The following ATP13A2 variants were observed in gnomAD, a reference collection of about 807,000 sequenced individuals.
ATP13A2 encodes polyamine-transporting ATPase 13A2.
A neutral mutation model predicts 138.3 loss-of-function variants in ATP13A2; 83 were observed. The ratio of observed to expected loss-of-function variants is 0.60; its 90% CI spans 0.50 to 0.72. ATP13A2 has a LOEUF of 0.72. Ranked by LOEUF, ATP13A2 falls within the 30% of genes least tolerant of loss-of-function variation. ATP13A2 has a pLI of 0.00. For missense variants in ATP13A2, 1,402 were observed against 1,606.4 expected (o/e 0.87, Z 2.17); for synonymous variants, 663 against 699.0 (o/e 0.95, Z 0.81).
intron 25 of ATP13A2, 114 bp downstream of exon 25, chr1:16,988,024 T>C: frequency 1.0e-6 from 1 of 952,506 alleles, no homozygotes; most frequent in Non-Finnish European, 1.6e-6. Flanking sequence ...AGTGGCAGGG[T>C]CAGGATCTGG....
Position 17,005,066 on chromosome 1 carries a change from A to G in ATP13A2, c.295T>C (p.Ser99Pro). The change falls in exon 4 of 29, where the codon TCC becomes CCC. Residue 99 changes from serine to proline, a missense_variant. By Grantham distance (74) the Ser-to-Pro change is moderately conservative (BLOSUM62 -1). Transcript: ENST00000326735. ...VIEIRDKEDS[S>P]WQLFTVQVQT... is the part of the protein sequence containing the mutation. ...ACCTGGACAGTGAAGAGCTGCCAGG[A>G]ACTATCCTGGAACACAGAGGTATGG... 6.2e-7 allele frequency: 1 copy of G among 1,614,112 alleles called. No individual in the cohort carries two copies. Among genetic ancestry groups the G allele is most frequent in the Non-Finnish European group, 8.5e-7 (1 of 1,180,020 alleles).
At chr1:17,007,842 C>G (rs982829314) in intron 1 of ATP13A2, among the ~76,000 whole-genome samples, 1 of 148,808 alleles carries the variant, frequency 6.7e-6, no homozygotes, top group African/African-American at 2.5e-5. Flanking sequence ...TGAGCCACAG[C>G]GCCCGGCGAG....
chr1:16,992,005 C>T lies in ATP13A2; in HGVS notation c.2126+4G>A. On this transcript the variant is annotated splice_donor_region_variant and intron_variant, in intron 19 of 28. Coordinates refer to ENST00000326735, the MANE Select transcript of ATP13A2 (RefSeq NM_022089.4). ...AGAGTGGGTGGGACAGGAGACAGGC[C>T]CACCTCGTCAGTTGCTGGGCTGCCT... 2 of 1,611,998 alleles carry T rather than the reference C, an allele frequency of 1.2e-6. No individual in the cohort carries two copies. Among genetic ancestry groups the T allele is most frequent in the Non-Finnish European group, 8.5e-7 (1 of 1,178,712 alleles).
chr1:17,000,714 C>T, intron 8 of ATP13A2, 180 bp from the exon 9 acceptor site: 2 of 759,972 alleles, frequency 2.6e-6, no homozygotes, highest in South Asian at 3.7e-5. Flanking sequence ...CCCTCAGTTT[C>T]TCCGCTCTAA....
rs552290573 is a variant in ATP13A2, at chr1:16,999,927, A to G, written c.1039+84T>C. 20 of 1,467,728 alleles carry G rather than the reference A, an allele frequency of 1.4e-5. No homozygotes were observed. The African/African-American group carries it at 2.9e-4, about 21-fold the overall frequency. The allele number at this position is 1,467,728 out of a possible 1,614,324, so 90.9% of individuals were successfully genotyped here. A position where few individuals can be genotyped will look rare whatever the true frequency, so the allele number is the denominator to read the frequency against. On this transcript the variant is annotated intron_variant, in intron 11 of 28. Transcript: ENST00000326735. ...CAAAAAAACAAAAAAGGAAAAGGAA[A>G]CTCAAATGAAAACTTTTGCCGCAGG...
chr1:16,997,210 C>A, intron 11 of ATP13A2, 35 bp from the exon 12 acceptor site: 1 of 1,612,476 alleles, frequency 6.2e-7, no homozygotes, highest in Non-Finnish European at 8.5e-7. Flanking sequence ...CCACTCCACA[C>A]CCCTCCCTCC....
chr1:17,006,253 T>C (rs2077556865), intron 1 of ATP13A2, among the ~76,000 whole-genome samples: 1 of 112,744 alleles, frequency 8.9e-6, no homozygotes, highest in Non-Finnish European at 1.7e-5. Flanking sequence ...ACTTACCGTA[T>C]CTTTTTTTTT....
chr1:16,989,957 G>C lies in ATP13A2; in HGVS notation c.2459C>G (p.Ser820Cys), dbSNP rs755157804. The C allele has an allele frequency of 2.5e-6, 4 of 1,606,716 alleles. No individual in the cohort carries two copies. Among genetic ancestry groups the C allele is most frequent in the Non-Finnish European group, 2.5e-6 (3 of 1,176,496 alleles). Residue 820 changes from serine to cysteine, a missense_variant, in exon 22 of 29, where the codon TCC becomes TGC. Physicochemically the swap from Ser to Cys is moderately radical, Grantham distance 112 (BLOSUM62 -1). Transcript: ENST00000326735. ...GGGCCCGCTGAGGGCCAGGTGCCTG[G>C]ATCGGGGGTCTGGCTCCACGGTGTA... The part of the protein sequence containing the change: ...ASYTVEPDPR[S>C]RHLALSGPTF...
rs192226472 is a variant in ATP13A2 at position 16,994,422 on chromosome 1, G to A, written c.1543-587C>T. ...TAATTTTTGTATTTTTAGTAGAGACGGGGTTTCACCATGTTGGTCAGGCTG... is the reference window on the plus strand; with the variant it reads ...TAATTTTTGTATTTTTAGTAGAGACAGGGTTTCACCATGTTGGTCAGGCTG... On this transcript the variant is annotated intron_variant, in intron 15 of 28. Transcript: ENST00000326735. Among the ~76,000 whole-genome samples the A allele has an allele frequency of 1.3e-4, 19 of 151,900 alleles. No individual in the cohort carries two copies. The Middle Eastern group carries it at 0.01, about 82-fold the overall frequency.
Position 17,005,010 on chromosome 1 carries a change from T to C in ATP13A2, c.347+4A>G. 2 of 1,613,820 alleles carry C rather than the reference T, an allele frequency of 1.2e-6. No homozygotes were observed. The highest frequency in any genetic ancestry group is 1.7e-6 in the Non-Finnish European group (2 of 1,179,966). ...TCTGGGAAGGGGCAATGGGGCTGCC[T>C]CACCTGCCCTCGCCGATGGCCTCAG... On this transcript the variant is annotated splice_donor_region_variant and intron_variant, in intron 4 of 28. Coordinates refer to ENST00000326735, the MANE Select transcript of ATP13A2 (RefSeq NM_022089.4).
At chr1:17,001,440 C>A (rs1279358735) in intron 8 of ATP13A2, among the ~76,000 whole-genome samples, 1 of 151,096 alleles carries the variant, frequency 6.6e-6, no homozygotes, top group Non-Finnish European at 1.5e-5. Context: ...AAAAAAAAAA[C>A]AACAAACAAA....
chr1:16,993,716 T>C lies in ATP13A2; in HGVS notation c.1662A>G (p.Ala554=), dbSNP rs1269279941. 1.9e-6 allele frequency: 3 copies of C among 1,593,762 alleles called. No homozygotes were observed. The highest frequency in any genetic ancestry group is 2.3e-5 in the South Asian group (2 of 88,014). ...RRLPVGPLLR[A]LATCHALSRL... is the part of the protein sequence containing the mutation. ...GGCTGAGGGCATGGCAGGTGGCCAGTGCTCGGAGCAGGGGCCCCACAGGCA... is the reference window on the plus strand; with the variant it reads ...GGCTGAGGGCATGGCAGGTGGCCAGCGCTCGGAGCAGGGGCCCCACAGGCA... The change falls in exon 16 of 29, where the codon GCA becomes GCG. Residue 554 remains alanine (A), a synonymous_variant. Coordinates refer to ENST00000326735, the MANE Select transcript of ATP13A2 (RefSeq NM_022089.4).
intron 3 of ATP13A2, 106 bp from the exon 4 acceptor site, chr1:17,005,178 T>TTC: frequency 1.3e-6 from 2 of 1,538,376 alleles, no homozygotes. Flanking sequence ...ATCAAGGCTA[T>TTC]GGAGAGCCCT....
At chr1:16,992,625 C>T in intron 16 of ATP13A2, 44 bp from the exon 17 acceptor site, 3 of 1,600,302 alleles carry the variant, frequency 1.9e-6, no homozygotes, top group Non-Finnish European at 2.6e-6. Flanking sequence ...GGCTTTGGCT[C>T]ACAGAGAGAT....
In ATP13A2 at chr1:17,002,611, T is replaced by C. The variant is rs369990934; in HGVS notation, c.558-238A>G. Reference sequence around the variant, plus strand: ...GAACAGCGAGAGATGATGCTAATAATATGAACAGTGAAAAGAGTAGCTGTT... The same window carrying C: ...GAACAGCGAGAGATGATGCTAATAACATGAACAGTGAAAAGAGTAGCTGTT... On this transcript the variant is annotated intron_variant, in intron 6 of 28. Coordinates refer to ENST00000326735, the MANE Select transcript of ATP13A2 (RefSeq NM_022089.4). 3.9e-4 allele frequency among the ~76,000 whole-genome samples: 60 copies of C among 152,292 alleles called. No individual in the cohort carries two copies. In the South Asian group the frequency reaches 0.012, roughly 29 times the overall value.
At chr1:17,001,454 CA>C (rs1314500242) in intron 8 of ATP13A2, among the ~76,000 whole-genome samples, 1 of 151,746 alleles carries the variant, frequency 6.6e-6, no homozygotes, top group Non-Finnish European at 1.5e-5. Context: ...AAACAAAAAA[CA>C]AAAAACCACA....
At position 17,000,150 on chromosome 1, in the gene ATP13A2, C is replaced by A; in HGVS notation, c.908-8G>T. On this transcript the variant is annotated splice_polypyrimidine_tract_variant and splice_region_variant and intron_variant, in intron 10 of 28. Transcript: ENST00000326735. ...AGTCCACCCACTCTTCCTCTGCAGG[C>A]AGGCAGGAGAGGAGCTCAGCTAGGT... 6.2e-7 allele frequency: 1 copy of A among 1,613,106 alleles called. No individual in the cohort carries two copies. The highest frequency in any genetic ancestry group is 8.5e-7 in the Non-Finnish European group (1 of 1,179,958).
intron 8 of ATP13A2, among the ~76,000 whole-genome samples, chr1:17,001,263 C>CAAAAAAAAAAAA (rs376331099): frequency 1.6e-5 from 2 of 124,034 alleles, no homozygotes; most frequent in African/African-American, 3.1e-5. Context: ...ACTAAAAATA[C>CAAAAAAAAAAAA]AAAAAAAAAA....
At position 16,995,772 on chromosome 1, in the gene ATP13A2, A is replaced by T; in HGVS notation, c.1542+204T>A. 1 of 729,276 alleles carries T rather than the reference A, an allele frequency of 1.4e-6. No individual in the cohort carries two copies. Among genetic ancestry groups the T allele is most frequent in the Non-Finnish European group, 2.4e-6 (1 of 419,554 alleles). 45.2% of individuals were successfully genotyped at this position (729,276 alleles called of 1,614,324 possible). On this transcript the variant is annotated intron_variant, in intron 15 of 28. Transcript: ENST00000326735. The surrounding 1 kb of genome is among the most constrained non-coding windows in gnomAD (Gnocchi z 4.1). ...CCCACCAGTTCTTGAACACATGAAT[A>T]CATGATTCTAGACATTTCATCTGCC...
Sources: allele counts gnomAD v4.1 joint callset (sites outside exome capture counted in the v4.1 genomes callset), GRCh38; gene constraint gnomAD v4.1.1; non-coding constraint Gnocchi (gnomAD v3.1); transcripts MANE v1.5; gene names NCBI Gene and HGNC (gene_info 2026-07-23, HGNC 2026-07-21).